GAB3: variants seen among roughly 807,000 people sequenced by gnomAD.
The protein encoded by GAB3 is GRB2-associated-binding protein 3.
GAB3 carries 12 observed loss-of-function variants against 40.4 expected under a neutral mutation model. The ratio of observed to expected loss-of-function variants is 0.30; its 90% CI spans 0.19 to 0.48. The LOEUF (loss-of-function observed/expected upper bound fraction) is 0.48. Ranked by LOEUF, GAB3 falls within the 20% of genes least tolerant of loss-of-function variation. GAB3 has a pLI of 0.99. For synonymous variants in GAB3, 154 were observed against 176.7 expected (o/e 0.87, Z 1.02); for missense variants, 381 against 461.9 (o/e 0.82, Z 1.61).
chrX:154,731,273 G>A (rs1297195160), intron 1 of GAB3, among the ~76,000 whole-genome samples: 1 of 111,887 alleles, frequency 8.9e-6, no homozygotes. Flanking sequence ...CAGGAATAAA[G>A]TTATTTTAAA....
At chrX:154,695,384 T>C (rs1219777069) in intron 8 of GAB3, among the ~76,000 whole-genome samples, 1 of 111,709 alleles carries the variant, frequency 9.0e-6, no homozygotes, top group Non-Finnish European at 1.9e-5. Flanking sequence ...CTCAGGTCTA[T>C]AGAAAGACCC....
intron 5 of GAB3, 41 bp downstream of exon 5, chrX:154,699,963 G>A: frequency 9.1e-7 from 1 of 1,099,662 alleles, no homozygotes; most frequent in Non-Finnish European, 1.3e-6. Context: ...AGCTGTTTTT[G>A]GTAAAATTGA....
At chrX:154,679,345 A>G (rs1557246298) in intron 9 of GAB3, 1 of 282,718 alleles carries the variant, frequency 3.5e-6, no homozygotes, top group African/African-American at 2.8e-5. Flanking sequence ...CTGGCCTGCA[A>G]TAAAAGAGCC....
At chrX:154,748,376 G>A (rs1307441900) in intron 1 of GAB3, among the ~76,000 whole-genome samples, 1 of 111,710 alleles carries the variant, frequency 9.0e-6, no homozygotes, top group Non-Finnish European at 1.9e-5. Flanking sequence ...CTGGGTTGGG[G>A]AGTGGAATAA....
intron 1 of GAB3, among the ~76,000 whole-genome samples, chrX:154,735,849 C>T (rs1442470179): frequency 8.9e-6 from 1 of 112,560 alleles, no homozygotes; most frequent in Non-Finnish European, 1.9e-5. Flanking sequence ...ACCTCATTTG[C>T]TCCATTCCTT....
At chrX:154,736,922 GT>G (rs1557260589) in intron 1 of GAB3, among the ~76,000 whole-genome samples, 1 of 112,264 alleles carries the variant, frequency 8.9e-6, no homozygotes, top group Non-Finnish European at 1.9e-5. Context: ...TCATCACTTG[GT>G]TGTATTTCTT....
chrX:154,722,171 G>C (rs1557258808), intron 1 of GAB3, among the ~76,000 whole-genome samples: 1 of 111,552 alleles, frequency 9.0e-6, no homozygotes, highest in Non-Finnish European at 1.9e-5. Flanking sequence ...TATGTTAAGT[G>C]AAACAGGCCA....
chrX:154,683,610 T>C (rs2070406170), intron 8 of GAB3, among the ~76,000 whole-genome samples: 1 of 111,856 alleles, frequency 8.9e-6, no homozygotes, highest in Non-Finnish European at 1.9e-5. Flanking sequence ...TCAACCCTAC[T>C]TCAGAACTAC....
At chrX:154,727,406 C>T (rs188390590) in intron 1 of GAB3, among the ~76,000 whole-genome samples, 36 of 112,813 alleles carry the variant, frequency 3.2e-4, no homozygotes, top group African/African-American at 1.1e-3. Flanking sequence ...AAGTGGCCAG[C>T]CACAGTCATT....
intron 4 of GAB3, among the ~76,000 whole-genome samples, chrX:154,705,425 G>A (rs2070793524): frequency 9.0e-6 from 1 of 111,043 alleles, no homozygotes; most frequent in Non-Finnish European, 1.9e-5. Context: ...TGATCAAGTG[G>A]GATTAATCTC....
intron 4 of GAB3, among the ~76,000 whole-genome samples, 186 bp from the exon 5 acceptor site, chrX:154,700,245 T>C (rs953869626): frequency 8.9e-6 from 1 of 111,935 alleles, no homozygotes; most frequent in Admixed American, 9.5e-5. Context: ...ATGGTTTGAG[T>C]TCTCTCTGTG....
chrX:154,689,223 T>C (rs1227670792), intron 8 of GAB3, among the ~76,000 whole-genome samples: 2 of 111,458 alleles, frequency 1.8e-5, no homozygotes, highest in Non-Finnish European at 3.8e-5. Context: ...CAGCCCTTCA[T>C]GCTAAAATCT....
At chrX:154,712,112 A>C in intron 4 of GAB3, 117 bp downstream of exon 4, 2 of 505,025 alleles carry the variant, frequency 4.0e-6, no homozygotes, top group South Asian at 6.2e-5. Flanking sequence ...GCACACATCA[A>C]GGTAATTCTA....
At chrX:154,691,906 A>G (rs1557249518) in intron 8 of GAB3, among the ~76,000 whole-genome samples, 7 of 111,935 alleles carry the variant, frequency 6.3e-5, no homozygotes, top group Non-Finnish European at 1.9e-5. Context: ...ACCATTCGAC[A>G]TGGAAAGGAT....
At chrX:154,702,967 T>C (rs2070759048) in intron 4 of GAB3, among the ~76,000 whole-genome samples, 1 of 111,809 alleles carries the variant, frequency 8.9e-6, no homozygotes, top group African/African-American at 3.3e-5. Context: ...CCCACACCAG[T>C]CAGAATGGTT....
At position 154,687,733 on chromosome X, in the gene GAB3, A is replaced by T. The variant is rs782433939; in HGVS notation, c.1531-7485T>A. 5.4e-5 allele frequency among the ~76,000 whole-genome samples: 6 copies of T among 111,816 alleles called. No homozygotes were observed. In the South Asian group the frequency reaches 2.2e-3, roughly 41 times the overall value. ...ATGGAAAGGCAAAGGAAGTAGAATA[A>T]CAAAAACAAGTTTTAAAAACAAGAA... On this transcript the variant is annotated intron_variant, in intron 8 of 9. Transcript: ENST00000424127.
At chrX:154,726,300 A>T (rs1241072183) in intron 1 of GAB3, among the ~76,000 whole-genome samples, 1 of 111,961 alleles carries the variant, frequency 8.9e-6, no homozygotes, top group Non-Finnish European at 1.9e-5. Context: ...AATACACTAG[A>T]TGGGCATAAT....
At chrX:154,716,981 G>A (rs2071055913) in intron 1 of GAB3, among the ~76,000 whole-genome samples, 1 of 111,828 alleles carries the variant, frequency 8.9e-6, no homozygotes, top group African/African-American at 3.3e-5. Context: ...GCGCTTTACT[G>A]TAACCCATTT....
In GAB3 at chrX:154,678,221, C is replaced by A; in HGVS notation, c.1721G>T (p.Ser574Ile). The change falls in exon 10 of 10, where the codon AGC becomes ATC. Residue 574 changes from serine (S) to isoleucine (I), a missense_variant. Ser to Ile is a moderately radical substitution (Grantham distance 142, BLOSUM62 -2). Around this residue, in one of 2 missense-constraint regions of GAB3, gnomAD observed 17 missense variants for 40.9 expected, o/e 0.42. Coordinates refer to ENST00000424127, the MANE Select transcript of GAB3 (RefSeq NM_001081573.3). ...TTCATCCGTCCACTCCTGTTTTGTG[C>A]TCTGGAGAGCCTGTGTCTTCTGCTC... ...VDEQKTQALQ[S>I]TKQEWTDERQ... 8.3e-7 allele frequency: 1 copy of A among 1,201,713 alleles called. No individual in the cohort carries two copies. The highest frequency in any genetic ancestry group is 1.1e-6 in the Non-Finnish European group (1 of 886,961).
Sources: allele counts gnomAD v4.1 joint callset (sites outside exome capture counted in the v4.1 genomes callset), GRCh38; gene constraint gnomAD v4.1.1; regional missense constraint gnomAD v4.1.1; transcripts MANE v1.5; gene names NCBI Gene and HGNC (gene_info 2026-07-23, HGNC 2026-07-21).